SEMA6D: variants seen among roughly 807,000 people sequenced by gnomAD.
SEMA6D encodes semaphorin 6D.
Under a neutral mutation model 106.6 loss-of-function variants are expected in SEMA6D, and 35 were observed. The ratio of observed to expected loss-of-function variants is 0.33; its 90% CI spans 0.25 to 0.44. The LOEUF (loss-of-function observed/expected upper bound fraction) is 0.44, where lower values mean the gene tolerates loss of function less well. Ranked by LOEUF, SEMA6D falls within the 20% of genes least tolerant of loss-of-function variation. SEMA6D has a pLI of 1.00. For synonymous variants in SEMA6D, 499 were observed against 487.7 expected, an observed-to-expected ratio of 1.02 and a Z score of -0.31; for missense variants, 1,185 against 1,345.9, an observed-to-expected ratio of 0.88 and a Z score of 1.87.
chr15:47,569,556 C>G (rs1371289010), intron 3 of SEMA6D, among the ~76,000 whole-genome samples: 2 of 152,074 alleles, frequency 1.3e-5, no homozygotes, highest in Non-Finnish European at 2.9e-5. Context: ...AGCAATTCCC[C>G]TCAGAGGACC....
At chr15:47,483,705 G>A (rs974137301) in intron 3 of SEMA6D, among the ~76,000 whole-genome samples, 1 of 151,998 alleles carries the variant, frequency 6.6e-6, no homozygotes, top group African/African-American at 2.4e-5. Flanking sequence ...AGTTACCATG[G>A]GGACTATATT....
intron 1 of SEMA6D, chr15:47,730,226 C>T (rs8036756): frequency 9.1e-6 from 14 of 1,534,664 alleles, no homozygotes; most frequent in Admixed American, 1.7e-5. Flanking sequence ...CAGGACGTTG[C>T]CGCCCCAGTG....
intron 2 of SEMA6D, among the ~76,000 whole-genome samples, chr15:47,466,281 A>T (rs990034883): frequency 2.8e-4 from 42 of 152,088 alleles, no homozygotes; most frequent in African/African-American, 1.0e-3. Flanking sequence ...TTATAACTGA[A>T]ATTTTGTACC....
At chr15:47,723,200 C>G (rs1483597274) in intron 1 of SEMA6D, among the ~76,000 whole-genome samples, 1 of 152,102 alleles carries the variant, frequency 6.6e-6, no homozygotes, top group East Asian at 1.9e-4. Context: ...CATCTTTTTT[C>G]TAATCTAAAT....
chr15:47,765,855 A>G lies in SEMA6D; in HGVS notation c.1428-14A>G, dbSNP rs1455049594. ...GACTAAACATATGGCTTCAAAATGT[A>G]TCCCACAAAATAGGTGCAGTGCTGA... On this transcript the variant is annotated splice_polypyrimidine_tract_variant and intron_variant, in intron 13 of 18. Transcript: ENST00000536845. 3 of 1,486,584 alleles carry G rather than the reference A, an allele frequency of 2.0e-6. No homozygotes were observed. The highest frequency in any genetic ancestry group is 2.8e-5 in the African/African-American group (2 of 71,166). 92.1% of individuals were successfully genotyped at this position (1,486,584 alleles called of 1,614,324 possible).
At chr15:47,249,049 GA>G (rs1269640660) in intron 1 of SEMA6D, among the ~76,000 whole-genome samples, 2 of 152,104 alleles carry the variant, frequency 1.3e-5, no homozygotes, top group Admixed American at 6.5e-5. Flanking sequence ...CCAACATGAT[GA>G]AACCCCATCT....
At chr15:47,437,813 C>G (rs975021806) in intron 2 of SEMA6D, among the ~76,000 whole-genome samples, 1 of 152,110 alleles carries the variant, frequency 6.6e-6, no homozygotes, top group Non-Finnish European at 1.5e-5. Flanking sequence ...TGGGCTCTCT[C>G]TCTCATGTTT....
chr15:47,418,552 A>T (rs1822989474), intron 2 of SEMA6D, among the ~76,000 whole-genome samples: 1 of 152,038 alleles, frequency 6.6e-6, no homozygotes, highest in Admixed American at 6.6e-5. Flanking sequence ...CAATAATCTC[A>T]TTTTTGAGGG....
At chr15:47,196,330 T>A (rs1894356398) in intron 1 of SEMA6D, among the ~76,000 whole-genome samples, 2 of 152,172 alleles carry the variant, frequency 1.3e-5, no homozygotes, top group South Asian at 4.1e-4. Flanking sequence ...TGCAGTATTT[T>A]GGAGGCTGCA....
chr15:47,206,647 C>T (rs1027759319), intron 1 of SEMA6D, among the ~76,000 whole-genome samples: 2 of 151,964 alleles, frequency 1.3e-5, no homozygotes, highest in African/African-American at 4.8e-5. Flanking sequence ...TGCACAATTA[C>T]GCAGACATAA....
intron 2 of SEMA6D, among the ~76,000 whole-genome samples, chr15:47,426,230 C>G: frequency 6.6e-6 from 1 of 151,924 alleles, no homozygotes; most frequent in East Asian, 1.9e-4. Flanking sequence ...CCTTTGAATG[C>G]CTAGGTTCAA....
intron 1 of SEMA6D, among the ~76,000 whole-genome samples, chr15:47,292,983 A>C (rs976533981): frequency 6.6e-6 from 1 of 152,006 alleles, no homozygotes; most frequent in African/African-American, 2.4e-5. Flanking sequence ...TTGATGAGAT[A>C]TTTTGTTTTT....
intron 3 of SEMA6D, among the ~76,000 whole-genome samples, chr15:47,589,901 A>G (rs1486464928): frequency 6.6e-6 from 1 of 152,190 alleles, no homozygotes; most frequent in Non-Finnish European, 1.5e-5. Flanking sequence ...AGTGGCTTAA[A>G]ACCTCCATTT....
At chr15:47,671,751 A>G (rs2078141195) in intron 4 of SEMA6D, among the ~76,000 whole-genome samples, 1 of 152,164 alleles carries the variant, frequency 6.6e-6, no homozygotes, top group African/African-American at 2.4e-5. Flanking sequence ...GGTGGTAGCA[A>G]TAAAACGGAA....
intron 3 of SEMA6D, among the ~76,000 whole-genome samples, chr15:47,578,589 C>T (rs183464467): frequency 6.6e-6 from 1 of 152,264 alleles, no homozygotes; most frequent in East Asian, 1.9e-4. Context: ...AAGGATGCTT[C>T]TCAAAGTACA....
At chr15:47,244,930 T>C (rs1055027590) in intron 1 of SEMA6D, among the ~76,000 whole-genome samples, 1 of 152,136 alleles carries the variant, frequency 6.6e-6, no homozygotes, top group Non-Finnish European at 1.5e-5. Flanking sequence ...CTCCCACTTA[T>C]AAAAGAGAAC....
At chr15:47,410,686 C>G (rs1050884582) in intron 1 of SEMA6D, among the ~76,000 whole-genome samples, 1 of 152,064 alleles carries the variant, frequency 6.6e-6, no homozygotes, top group African/African-American at 2.4e-5. Flanking sequence ...GCATATAGCC[C>G]TGGACCCCAG....
chr15:47,218,522 G>A (rs1414732395), intron 1 of SEMA6D, among the ~76,000 whole-genome samples: 1 of 152,162 alleles, frequency 6.6e-6, no homozygotes, highest in Non-Finnish European at 1.5e-5. Flanking sequence ...CCTGGACTGT[G>A]ACTAACAGCA....
intron 3 of SEMA6D, among the ~76,000 whole-genome samples, chr15:47,525,767 C>T (rs1454328226): frequency 6.6e-6 from 1 of 152,066 alleles, no homozygotes; most frequent in African/African-American, 2.4e-5. Context: ...GCAATTTCAG[C>T]CTCCAGTGAG....
Sources: allele counts gnomAD v4.1 joint callset (sites outside exome capture counted in the v4.1 genomes callset), GRCh38; gene constraint gnomAD v4.1.1; transcripts MANE v1.5; gene names NCBI Gene and HGNC (gene_info 2026-07-23, HGNC 2026-07-21).